GSAP: variants seen among roughly 807,000 people sequenced by gnomAD.
GSAP encodes the protein gamma-secretase activating protein.
Under a neutral mutation model 131.7 loss-of-function variants are expected in GSAP, and 118 were observed. The observed-to-expected ratio is 0.90, with a 90% confidence interval of 0.77 to 1.04. The LOEUF is 1.04. Among genes scored for constraint, GSAP ranks in the 50% least tolerant of loss-of-function variants. The pLI, the probability that GSAP is intolerant of heterozygous loss-of-function variation, is 0.00. For synonymous variants in GSAP, 381 were observed against 363.4 expected, an observed-to-expected ratio of 1.05 and a Z score of -0.55; for missense variants, 1,019 against 1,013.2, an observed-to-expected ratio of 1.01 and a Z score of -0.08.
At chr7:77,365,469 G>A (rs1795149891) in intron 12 of GSAP, among the ~76,000 whole-genome samples, 1 of 152,116 alleles carries the variant, frequency 6.6e-6, no homozygotes, top group Non-Finnish European at 1.5e-5. Flanking sequence ...ACCTGTAAGT[G>A]AGAACACTAG....
At chr7:77,377,701 A>G (rs1271190639) in intron 8 of GSAP, among the ~76,000 whole-genome samples, 1 of 152,240 alleles carries the variant, frequency 6.6e-6, no homozygotes, top group Non-Finnish European at 1.5e-5. Context: ...CATTAATAGA[A>G]GATTCGGAAC....
chr7:77,350,968 T>C (rs561123407), intron 18 of GSAP: 2 of 244,208 alleles, frequency 8.2e-6, no homozygotes, highest in African/African-American at 4.7e-5. Flanking sequence ...CAAATCAGCT[T>C]TCATTTCCTT....
At chr7:77,387,917 T>C (rs1798824391) in intron 5 of GSAP, among the ~76,000 whole-genome samples, 1 of 152,220 alleles carries the variant, frequency 6.6e-6, no homozygotes, top group African/African-American at 2.4e-5. Context: ...GTATATTACT[T>C]TGCACTCTCA....
chr7:77,399,851 G>C (rs1301435054), intron 3 of GSAP, among the ~76,000 whole-genome samples: 1 of 152,088 alleles, frequency 6.6e-6, no homozygotes, highest in Non-Finnish European at 1.5e-5. Flanking sequence ...AGGGACCTCA[G>C]ATCCTGATGA....
intron 12 of GSAP, among the ~76,000 whole-genome samples, chr7:77,364,778 T>C (rs979193854): frequency 3.9e-5 from 6 of 152,242 alleles, no homozygotes; most frequent in African/African-American, 1.4e-4. Flanking sequence ...TCATGCTTAG[T>C]TGCCCCACCC....
chr7:77,341,928 G>A (rs1273594908), intron 19 of GSAP, among the ~76,000 whole-genome samples: 1 of 152,154 alleles, frequency 6.6e-6, no homozygotes, highest in Non-Finnish European at 1.5e-5. Flanking sequence ...AGCCACAGTG[G>A]TCAAGCATTC....
chr7:77,410,907 A>G (rs1803143617), intron 1 of GSAP, among the ~76,000 whole-genome samples: 1 of 152,164 alleles, frequency 6.6e-6, no homozygotes, highest in South Asian at 2.1e-4. Flanking sequence ...TCTGTAAATA[A>G]TTCATATAAA....
At chr7:77,408,366 T>C (rs561187925) in intron 1 of GSAP, among the ~76,000 whole-genome samples, 1 of 152,188 alleles carries the variant, frequency 6.6e-6, no homozygotes, top group Non-Finnish European at 1.5e-5. Context: ...TTATCACTAA[T>C]TGGGCAGAAG....
At chr7:77,387,613 T>G (rs1798770871) in intron 5 of GSAP, among the ~76,000 whole-genome samples, 165 bp from the exon 6 acceptor site, 1 of 152,206 alleles carries the variant, frequency 6.6e-6, no homozygotes, top group Non-Finnish European at 1.5e-5. Flanking sequence ...ACTGAAACTG[T>G]AAATCTGTTC....
chr7:77,318,954 G>A (rs113456061), intron 26 of GSAP, among the ~76,000 whole-genome samples: 12,056 of 151,020 alleles, frequency 0.08, 694 homozygotes, highest in Non-Finnish European at 0.11. Flanking sequence ...ATTAGGAGAT[G>A]TACCTAATGT....
chr7:77,343,991 C>CCTG (rs1273792092), intron 19 of GSAP, among the ~76,000 whole-genome samples: 1 of 152,124 alleles, frequency 6.6e-6, no homozygotes, highest in Non-Finnish European at 1.5e-5. Flanking sequence ...AGGATTTGCC[C>CCTG]CTGCCCAGGA....
Position 77,390,946 on chromosome 7 carries a change from T to TAAAAAAAAAAAA in GSAP, c.368-3510_368-3499dup, listed in dbSNP as rs71085453. Among the ~76,000 whole-genome samples the TAAAAAAAAAAAA allele has an allele frequency of 3.7e-4, 14 of 37,940 alleles. 2 individuals are homozygous for TAAAAAAAAAAAA. The highest frequency in any genetic ancestry group is 1.4e-3 in the African/African-American group (14 of 10,290). 24.9% of individuals were successfully genotyped at this position (37,940 alleles called of 152,430 possible). A position where few individuals can be genotyped will look rare whatever the true frequency, so the allele number is the denominator to read the frequency against. ...CCTGGTGACAGAGCGAGACTCCGTC[T>TAAAAAAAAAAAA]AAAAAAAAAAAAAAAAAAAAAAAAA... On this transcript the variant is annotated intron_variant, in intron 5 of 30. Transcript: ENST00000257626.
intron 14 of GSAP, 22 bp downstream of exon 14, chr7:77,360,802 G>C: frequency 7.9e-7 from 1 of 1,264,828 alleles, no homozygotes; most frequent in Non-Finnish European, 1.2e-6. Context: ...AGAGCAGGGG[G>C]TGTGATCTCT....
intron 26 of GSAP, 140 bp downstream of exon 26, chr7:77,320,585 C>T: frequency 1.6e-6 from 1 of 624,682 alleles, no homozygotes; most frequent in South Asian, 2.0e-5. Context: ...AACCTAAGGG[C>T]CCATCACTCA....
At chr7:77,332,769 G>T (rs1164101065) in intron 19 of GSAP, among the ~76,000 whole-genome samples, 1 of 152,054 alleles carries the variant, frequency 6.6e-6, no homozygotes, top group East Asian at 1.9e-4. Flanking sequence ...GGGGTCACTG[G>T]CCTAATATAG....
At chr7:77,389,458 G>A (rs937310428) in intron 5 of GSAP, among the ~76,000 whole-genome samples, 4 of 80,132 alleles carry the variant, frequency 5.0e-5, no homozygotes, top group East Asian at 3.8e-4. Flanking sequence ...AACAGTCCCC[G>A]ATGTGTAATG....
chr7:77,404,551 AT>A lies in GSAP; in HGVS notation c.243+7del. 2 of 1,488,916 alleles carry A rather than the reference AT, an allele frequency of 1.3e-6. No individual in the cohort carries two copies. Among genetic ancestry groups the A allele is most frequent in the Non-Finnish European group, 1.9e-6 (2 of 1,068,638 alleles). 92.2% of individuals were successfully genotyped at this position (1,488,916 alleles called of 1,614,324 possible). On this transcript the variant is annotated splice_region_variant and intron_variant, in intron 3 of 30. Transcript: ENST00000257626. ...TAAAGTAACCAATGAGTAATCTATG[AT>A]TTTTACCTCATTTTGTCTGGTTTGA...
intron 19 of GSAP, among the ~76,000 whole-genome samples, chr7:77,345,757 G>T (rs754447853): frequency 6.6e-6 from 1 of 151,814 alleles, no homozygotes; most frequent in East Asian, 1.9e-4. Context: ...CTATAAAACG[G>T]CCCCACCCCA....
chr7:77,355,692 G>T (rs1292601458), intron 14 of GSAP, 45 bp from the exon 15 acceptor site: 2 of 1,058,968 alleles, frequency 1.9e-6, no homozygotes, highest in Non-Finnish European at 3.0e-6. Context: ...GGTAAAAGCT[G>T]CACAGGTACA....
Sources: gnomAD v4.1 joint callset for allele counts (sites outside exome capture counted in the v4.1 genomes callset) on GRCh38, gnomAD v4.1.1 for gene constraint, MANE v1.5 for transcripts, NCBI Gene and HGNC (gene_info 2026-07-23, HGNC 2026-07-21) for gene names.